RBP4: variants seen among roughly 807,000 people sequenced by gnomAD.
The protein encoded by RBP4 is retinol binding protein 4.
A neutral mutation model predicts 26.2 loss-of-function variants in RBP4; 9 were observed. The ratio of observed to expected loss-of-function variants is 0.34; its 90% CI spans 0.21 to 0.60. The LOEUF is 0.60. RBP4 is among the 20% of genes least tolerant of loss of function. RBP4 has a pLI of 0.80. For missense variants in RBP4, 244 were observed against 271.3 expected (o/e 0.90, Z 0.71); for synonymous variants, 114 against 111.0 (o/e 1.03, Z -0.17).
Position 93,593,845 on chromosome 10 carries a change from C to G in RBP4, c.546G>C (p.Gln182His). 1 of 1,612,266 alleles carries G rather than the reference C, an allele frequency of 6.2e-7. No individual in the cohort carries two copies. The highest frequency in any genetic ancestry group is 8.5e-7 in the Non-Finnish European group (1 of 1,179,918). Residue 182 changes from glutamine (Q) to histidine (H), a missense_variant, in exon 5 of 6, where the codon CAG becomes CAC. Transcript: ENST00000371464. ...QRQEELCLAR[Q>H]YRLIVHNGYC... ...CACCGTTGTGGACGATCAGCCTGTA[C>G]TGCCTGGCCAGGCACAGCTCCTCCT... is the stretch of plus-strand genomic sequence containing the variant.
At chr10:93,600,880 G>T (rs1432213607) in intron 2 of RBP4, 38 bp downstream of exon 2, 2 of 1,608,682 alleles carry the variant, frequency 1.2e-6, no homozygotes, top group African/African-American at 1.3e-5. Context: ...GATGGGGTGG[G>T]GACCTGGGCC....
chr10:93,597,611 T>C (rs2058310504), intron 4 of RBP4, among the ~76,000 whole-genome samples: 1 of 152,214 alleles, frequency 6.6e-6, no homozygotes, highest in Non-Finnish European at 1.5e-5. Flanking sequence ...AAGACCAGTA[T>C]GGAGCATGCC....
At position 93,601,233 on chromosome 10, in the gene RBP4, G is replaced by A. The variant is rs2058337435; in HGVS notation, c.-81C>T. ...GTCCGGGCGCGCGTGGAGCGAGGGA[G>A]GCGAGCGCGCCGCGGCCGCCCCGCT... On this transcript the variant is annotated 5_prime_UTR_variant, in exon 1 of 6. Coordinates refer to ENST00000371464, the MANE Select transcript of RBP4 (RefSeq NM_006744.4). 1.6e-6 allele frequency: 2 copies of A among 1,238,286 alleles called. No individual in the cohort carries two copies. The highest frequency in any genetic ancestry group is 2.0e-6 in the Non-Finnish European group (2 of 995,460). 76.7% of individuals were successfully genotyped at this position (1,238,286 alleles called of 1,614,324 possible).
At chr10:93,594,068 G>A in intron 4 of RBP4, 33 bp from the exon 5 acceptor site, 1 of 1,599,030 alleles carries the variant, frequency 6.3e-7, no homozygotes, top group South Asian at 1.1e-5. Flanking sequence ...GCCGATCAAT[G>A]CCTTTCCCTC....
Position 93,600,785 on chromosome 10 carries a change from C to A in RBP4, c.130G>T (p.Ala44Ser), listed in dbSNP as rs748737715. The A allele has an allele frequency of 6.2e-7, 1 of 1,607,728 alleles. No individual in the cohort carries two copies. The highest frequency in any genetic ancestry group is 8.5e-7 in the Non-Finnish European group (1 of 1,177,076). ...CCCTCGGGGTCCTTCTTGGCCATGG[C>A]GTACCAGGTCCCAGAGAACTGTGAG... ...DKARFSGTWY[A>S]MAKKDPEGLF... is the part of the protein sequence containing the mutation. Residue 44 changes from alanine to serine, a missense_variant, in exon 3 of 6, where the codon GCC (alanine) becomes TCC (serine). Ala to Ser is a moderately conservative substitution (Grantham distance 99). Transcript: ENST00000371464.
intron 4 of RBP4, among the ~76,000 whole-genome samples, chr10:93,595,921 C>T (rs1219381317): frequency 1.3e-5 from 2 of 152,194 alleles, no homozygotes; most frequent in African/African-American, 4.8e-5. Flanking sequence ...TGTTCCAGAA[C>T]CATGACTGCT....
intron 4 of RBP4, among the ~76,000 whole-genome samples, chr10:93,598,495 T>A (rs2134572878): frequency 6.6e-6 from 1 of 152,356 alleles, no homozygotes; most frequent in African/African-American, 2.4e-5. Context: ...TTTTTTGAAA[T>A]GTAACCTAAG....
intron 4 of RBP4, among the ~76,000 whole-genome samples, chr10:93,597,152 CCAGAAATG>C (rs950466466): frequency 7.2e-5 from 11 of 152,150 alleles, no homozygotes; most frequent in African/African-American, 2.4e-5. Context: ...GGGTTTGAGT[CCAGAAATG>C]TGCATTTGTT....
At chr10:93,600,573 C>T in intron 3 of RBP4, 74 bp from the exon 4 acceptor site, 2 of 1,612,732 alleles carry the variant, frequency 1.2e-6, no homozygotes, top group African/African-American at 1.3e-5. Flanking sequence ...TTCGGTGCTC[C>T]CTTCCCTTCA....
chr10:93,592,822 A>AT (rs200041693), intron 5 of RBP4, among the ~76,000 whole-genome samples: 168 of 150,796 alleles, frequency 1.1e-3, no homozygotes, highest in African/African-American at 2.9e-3. Context: ...GATTATTATT[A>AT]TTATTATTTT....
At chr10:93,593,663 C>A (rs1183364192) in intron 5 of RBP4, among the ~76,000 whole-genome samples, 160 bp downstream of exon 5, 1 of 152,192 alleles carries the variant, frequency 6.6e-6, no homozygotes, top group Admixed American at 6.5e-5. Flanking sequence ...AGTGAAAAAT[C>A]TGGCCAAGCA....
chr10:93,596,327 A>C (rs2058302665), intron 4 of RBP4, among the ~76,000 whole-genome samples: 1 of 152,132 alleles, frequency 6.6e-6, no homozygotes, highest in Non-Finnish European at 1.5e-5. Flanking sequence ...AGAAGGCCTA[A>C]GTTGGTTTGG....
chr10:93,595,433 G>T (rs2058297024), intron 4 of RBP4, among the ~76,000 whole-genome samples: 1 of 152,192 alleles, frequency 6.6e-6, no homozygotes, highest in Admixed American at 6.5e-5. Flanking sequence ...TTCACCTAGG[G>T]TCACAAAGAG....
intron 3 of RBP4, 53 bp downstream of exon 3, chr10:93,600,614 C>A: frequency 6.2e-7 from 1 of 1,612,446 alleles, no homozygotes; most frequent in Non-Finnish European, 8.5e-7. Context: ...GCAGGCAGGG[C>A]CCTTGGGGAA....
chr10:93,593,285 G>C (rs1251934008), intron 5 of RBP4, among the ~76,000 whole-genome samples: 2 of 152,146 alleles, frequency 1.3e-5, no homozygotes, highest in Non-Finnish European at 2.9e-5. Flanking sequence ...AAGATCCTAT[G>C]GTTGTTCCAG....
rs1340137234 is a variant in RBP4 at position 93,600,491 on chromosome 10, T to A, written c.257A>T (p.Asp86Val). Residue 86 changes from aspartate to valine, a missense_variant, in exon 4 of 6, where the codon GAC (aspartate) becomes GTC (valine). By Grantham distance (152) the Asp-to-Val change is radical. Transcript: ENST00000371464. ...KGRVRLLNNWDVCADMVGTFT... is the reference protein window; with the variant it reads ...KGRVRLLNNWVVCADMVGTFT... The stretch of plus-strand genomic sequence containing the variant: ...GGTGCCCACCATGTCTGCGCACACG[T>A]CCCAGTTACTGCAAAAGCCAAGGGG... 1.2e-6 allele frequency: 2 copies of A among 1,613,980 alleles called. No individual in the cohort carries two copies. Among genetic ancestry groups the A allele is most frequent in the African/African-American group, 1.3e-5 (1 of 74,918 alleles).
rs1316821056 is a variant in RBP4 at position 93,594,181 on chromosome 10, T to G, written c.356-146A>C. ...GGAAGCAGGACACTTCAGAGAATTC[T>G]GACAACTTTTATAAAATTTGGCAAA... On this transcript the variant is annotated intron_variant, in intron 4 of 5. Transcript: ENST00000371464. 31 of 817,340 alleles carry G rather than the reference T, an allele frequency of 3.8e-5. 2 individuals are homozygous for G. In the Admixed American group the frequency reaches 6.1e-4, roughly 16 times the overall value. The allele number at this position is 817,340 out of a possible 1,614,324, so 50.6% of individuals were successfully genotyped here.
chr10:93,592,172 A>T lies in RBP4; in HGVS notation c.569-60T>A, dbSNP rs1340655597. 4.3e-5 allele frequency: 61 copies of T among 1,417,124 alleles called. 1 individual carries two copies. The Middle Eastern group carries it at 5.2e-4, about 12-fold the overall frequency. 87.8% of individuals were successfully genotyped at this position (1,417,124 alleles called of 1,614,324 possible). A position where few individuals can be genotyped will look rare whatever the true frequency, so the allele number is the denominator to read the frequency against. ...AAGTGGACCCAGTTTTTATGTAGAT[A>T]ATGAACATCATGATGGCCTTAGAGC... On this transcript the variant is annotated intron_variant, in intron 5 of 5. Transcript: ENST00000371464.
Position 93,600,676 on chromosome 10 carries a change from C to T in RBP4, c.239G>A (p.Arg80His), listed in dbSNP as rs1457436938. The T allele has an allele frequency of 1.2e-6, 2 of 1,611,666 alleles. No homozygotes were observed. The highest frequency in any genetic ancestry group is 1.7e-6 in the Non-Finnish European group (2 of 1,179,096). The change falls in exon 3 of 6, where the codon CGT becomes CAT. Residue 80 changes from arginine (R) to histidine (H), a missense_variant. Physicochemically the swap from Arg to His is conservative, Grantham distance 29. Transcript: ENST00000371464. ...QMSATAKGRV[R>H]LLNNWDVCAD... is the part of the protein sequence containing the mutation. ...CCCGGCGGCCACTGACTTCAAAAGACGGACTCGGCCCTTGGCTGTGGCGCT... is the reference window on the plus strand; with the variant it reads ...CCCGGCGGCCACTGACTTCAAAAGATGGACTCGGCCCTTGGCTGTGGCGCT...
Sources: allele counts gnomAD v4.1 joint callset (sites outside exome capture counted in the v4.1 genomes callset), GRCh38; gene constraint gnomAD v4.1.1; transcripts MANE v1.5; gene names NCBI Gene and HGNC (gene_info 2026-07-23, HGNC 2026-07-21).